Variants in HYCC2 observed in about 807,000 individuals in gnomAD.
The protein encoded by HYCC2 is hyccin PI4KA lipid kinase complex subunit 2.
chr2:201,026,417 T>G, the HYCC2 span, among the ~76,000 whole-genome samples: 12 of 152,124 alleles, frequency 7.9e-5, no homozygotes, highest in Admixed American at 7.2e-4. Context: ...AGACAGAAGG[T>G]TAACAAGGAT....
At chr2:201,040,484 A>G in the HYCC2 span, among the ~76,000 whole-genome samples, 1 of 147,062 alleles carries the variant, frequency 6.8e-6, no homozygotes, top group Admixed American at 6.7e-5. Context: ...TGAATCTCAT[A>G]ATTTTTTTTT....
At chr2:201,009,978 C>T in the HYCC2 span, among the ~76,000 whole-genome samples, 1 of 151,758 alleles carries the variant, frequency 6.6e-6, no homozygotes, top group Non-Finnish European at 1.5e-5. Context: ...GTGGCATGCA[C>T]CTGTAGTCCC....
At chr2:201,014,311 A>T in the HYCC2 span, among the ~76,000 whole-genome samples, 1 of 31,210 alleles carries the variant, frequency 3.2e-5, no homozygotes, top group Non-Finnish European at 5.9e-5. Context: ...TAAGCACTAT[A>T]GGAAACACAG....
chr2:201,038,719 G>A, the HYCC2 span, among the ~76,000 whole-genome samples: 1 of 151,868 alleles, frequency 6.6e-6, no homozygotes, highest in Non-Finnish European at 1.5e-5. Flanking sequence ...ACAGGAAGGG[G>A]AACATCACAC....
At chr2:201,040,062 T>C in the HYCC2 span, among the ~76,000 whole-genome samples, 3 of 151,726 alleles carry the variant, frequency 2.0e-5, no homozygotes, top group South Asian at 2.1e-4. Flanking sequence ...TAATCCCAGC[T>C]ACTTGGGAGG....
At chr2:200,985,783 T>C in the HYCC2 span, among the ~76,000 whole-genome samples, 1 of 152,144 alleles carries the variant, frequency 6.6e-6, no homozygotes, top group Non-Finnish European at 1.5e-5. Flanking sequence ...TTACCAGTGA[T>C]AGATATTAAA....
At chr2:201,011,528 A>G in the HYCC2 span, 4 of 980,542 alleles carry the variant, frequency 4.1e-6, no homozygotes, top group African/African-American at 1.7e-5. Context: ...ACACGAAATA[A>G]TAATTACTTT....
chr2:201,021,213 T>A, the HYCC2 span, among the ~76,000 whole-genome samples: 1 of 152,160 alleles, frequency 6.6e-6, no homozygotes, highest in Non-Finnish European at 1.5e-5. Flanking sequence ...AGTCCAGAAT[T>A]GTTTTGAAAT....
At chr2:201,017,254 G>A in the HYCC2 span, 1 of 968,158 alleles carries the variant, frequency 1.0e-6, no homozygotes, top group Non-Finnish European at 1.5e-6. Context: ...ACCTATATCT[G>A]TATAATATTT....
At chr2:201,038,841 A>G in the HYCC2 span, among the ~76,000 whole-genome samples, 1 of 152,192 alleles carries the variant, frequency 6.6e-6, no homozygotes. Context: ...ACATGTATAC[A>G]TACGTAACAA....
the HYCC2 span, among the ~76,000 whole-genome samples, chr2:201,048,391 T>C: frequency 3.3e-5 from 5 of 152,046 alleles, no homozygotes; most frequent in African/African-American, 1.2e-4. Context: ...TATTACAGTA[T>C]ATAGACCAAG....
At chr2:201,031,952 CATTTT>C in the HYCC2 span, among the ~76,000 whole-genome samples, 14 of 151,966 alleles carry the variant, frequency 9.2e-5, no homozygotes, top group Non-Finnish European at 1.6e-4. Flanking sequence ...TATTTACTAC[CATTTT>C]ATTTTATTTT....
chr2:201,024,684 A>C, the HYCC2 span, among the ~76,000 whole-genome samples: 1 of 152,218 alleles, frequency 6.6e-6, no homozygotes, highest in Non-Finnish European at 1.5e-5. Context: ...TACACATCAT[A>C]AAATGAACCA....
At chr2:200,990,563 C>T in the HYCC2 span, among the ~76,000 whole-genome samples, 12 of 151,138 alleles carry the variant, frequency 7.9e-5, no homozygotes, top group African/African-American at 2.7e-4. Context: ...CACCACATCC[C>T]GCTAAATTTT....
At chr2:200,982,190 A>G in the HYCC2 span, among the ~76,000 whole-genome samples, 3 of 151,362 alleles carry the variant, frequency 2.0e-5, no homozygotes, top group Non-Finnish European at 4.4e-5. Flanking sequence ...TTTATAATAC[A>G]CTATCATTCT....
At chr2:201,026,485 C>T in the HYCC2 span, among the ~76,000 whole-genome samples, 34 of 152,336 alleles carry the variant, frequency 2.2e-4, no homozygotes, top group African/African-American at 8.2e-4. Context: ...CTACAGAACT[C>T]TCCACCCCAA....
At chr2:201,024,179 T>C in the HYCC2 span, 558 of 521,276 alleles carry the variant, frequency 1.1e-3, 2 homozygotes, top group African/African-American at 0.01. Context: ...TGGAGCACAA[T>C]TAAAAGAAAA....
At chr2:200,976,959 T>C in the HYCC2 span, 6 of 152,190 alleles carry the variant, frequency 3.9e-5, no homozygotes, top group Non-Finnish European at 5.9e-5. Context: ...AAAATTACTT[T>C]AAAATAACTA....
At chr2:201,061,627 GTTTT>G in the HYCC2 span, among the ~76,000 whole-genome samples, 1 of 139,910 alleles carries the variant, frequency 7.1e-6, no homozygotes, top group Non-Finnish European at 1.6e-5. Flanking sequence ...CATACTTATA[GTTTT>G]TTTTTTTTTA....
Sources: gnomAD v4.1 joint callset for allele counts (sites outside exome capture counted in the v4.1 genomes callset) on GRCh38, gnomAD v4.1.1 for gene constraint, MANE v1.5 for transcripts, NCBI Gene and HGNC (gene_info 2026-07-23, HGNC 2026-07-21) for gene names.